Variants in ARHGAP20 observed in about 807,000 individuals in gnomAD.
ARHGAP20 encodes the protein rho GTPase-activating protein 20.
A neutral mutation model predicts 73.7 loss-of-function variants in ARHGAP20; 34 were observed. That is an observed-to-expected ratio of 0.46 (90% CI 0.35 to 0.61). The LOEUF is 0.61. ARHGAP20 is among the 20% of genes least tolerant of loss of function. ARHGAP20 has a pLI of 0.00. For synonymous variants in ARHGAP20, 523 were observed against 518.2 expected (o/e 1.01, Z -0.13); for missense variants, 1,314 against 1,420.9 (o/e 0.92, Z 1.21).
chr11:110,683,338 A>G (rs1369872277), intron 2 of ARHGAP20, among the ~76,000 whole-genome samples: 2 of 152,146 alleles, frequency 1.3e-5, no homozygotes, highest in Non-Finnish European at 2.9e-5. Flanking sequence ...AATAACAAAG[A>G]AACATTTTGT....
At chr11:110,639,537 C>A (rs777165997) in intron 2 of ARHGAP20, among the ~76,000 whole-genome samples, 33 of 151,886 alleles carry the variant, frequency 2.2e-4, no homozygotes, top group Non-Finnish European at 3.5e-4. Context: ...ATTTTCATTA[C>A]CCCTAAAGAA....
rs1591285664 is a variant in ARHGAP20 at position 110,577,472 on chromosome 11, A to G, written c.*1898T>C. 2 of 15,166 alleles carry G rather than the reference A, an allele frequency of 1.3e-4. No homozygotes were observed. Among genetic ancestry groups the G allele is most frequent in the South Asian group, 3.3e-3 (1 of 304 alleles). 0.9% of individuals were successfully genotyped at this position (15,166 alleles called of 1,614,324 possible). A position where few individuals can be genotyped will look rare whatever the true frequency, so the allele number is the denominator to read the frequency against. ...GAATGATTTTTTACCTGCTAACATG[A>G]AAAAAAAAAAAAAGGCAATTTCTTC... is the stretch of plus-strand genomic sequence containing the variant. On this transcript the variant is annotated 3_prime_UTR_variant, in exon 15 of 15. Transcript: ENST00000683387.
In ARHGAP20 at chr11:110,578,066, C is replaced by A. The variant is rs1947335481; in HGVS notation, c.*1304G>T. On this transcript the variant is annotated 3_prime_UTR_variant, in exon 15 of 15. Transcript: ENST00000683387. ...GATGCACATCCATTTTTAGTGCCAT[C>A]CCTGCATACTAGTTGGCAAGGCCTG... 2 of 985,280 alleles carry A rather than the reference C, an allele frequency of 2.0e-6. No individual in the cohort carries two copies. Among genetic ancestry groups the A allele is most frequent in the South Asian group, 9.4e-5 (2 of 21,294 alleles). 61.0% of individuals were successfully genotyped at this position (985,280 alleles called of 1,614,324 possible).
chr11:110,624,409 G>T, intron 3 of ARHGAP20, 98 bp from the exon 4 acceptor site: 1 of 1,034,326 alleles, frequency 9.7e-7, no homozygotes, highest in Non-Finnish European at 1.3e-6. Context: ...AACTAACACA[G>T]GTACAGAAAA....
chr11:110,647,946 A>G (rs1044655891), intron 2 of ARHGAP20, among the ~76,000 whole-genome samples: 3 of 151,838 alleles, frequency 2.0e-5, no homozygotes, highest in East Asian at 3.9e-4. Context: ...ATTGGTGTTG[A>G]AGTTAAGAAT....
At chr11:110,586,091 A>G (rs1947657040) in intron 12 of ARHGAP20, 125 bp downstream of exon 12, 1 of 459,942 alleles carries the variant, frequency 2.2e-6, no homozygotes, top group South Asian at 6.7e-5. Context: ...ATGACAAACT[A>G]GCATACATCT....
chr11:110,642,100 T>G (rs1231314580), intron 2 of ARHGAP20, among the ~76,000 whole-genome samples: 1 of 152,094 alleles, frequency 6.6e-6, no homozygotes, highest in Non-Finnish European at 1.5e-5. Context: ...AATAATTCTA[T>G]GTATAATTTC....
chr11:110,699,867 T>A (rs968629501), intron 1 of ARHGAP20, among the ~76,000 whole-genome samples: 1 of 152,042 alleles, frequency 6.6e-6, no homozygotes, highest in African/African-American at 2.4e-5. Context: ...ATTAAGTGAA[T>A]GAATTAACAT....
At position 110,589,442 on chromosome 11, in the gene ARHGAP20, GGGGTAT is replaced by G. The variant is rs1203219467; in HGVS notation, c.1305+1200_1305+1205del. ...AGCACCTGGGCACTCAGCTGGAGTAGGGGTATGCAAGAATCTTCTTCACCATATTTT... is the reference window on the plus strand; with the variant it reads ...AGCACCTGGGCACTCAGCTGGAGTAGGCAAGAATCTTCTTCACCATATTTT... On this transcript the variant is annotated intron_variant, in intron 11 of 14. Transcript: ENST00000683387. The G allele has an allele frequency of 1.7e-5, 17 of 985,428 alleles. No individual in the cohort carries two copies. The African/African-American group carries it at 3.0e-4, about 17-fold the overall frequency. 61.0% of individuals were successfully genotyped at this position (985,428 alleles called of 1,614,324 possible). A position where few individuals can be genotyped will look rare whatever the true frequency, so the allele number is the denominator to read the frequency against.
At chr11:110,647,327 C>T (rs1033127519) in intron 2 of ARHGAP20, among the ~76,000 whole-genome samples, 2 of 152,098 alleles carry the variant, frequency 1.3e-5, no homozygotes, top group Non-Finnish European at 1.5e-5. Flanking sequence ...GGTTCAAGTA[C>T]TGAGCCCTGG....
In ARHGAP20 at chr11:110,712,382, C is replaced by G. The variant is rs1950686868; in HGVS notation, c.-151G>C. On this transcript the variant is annotated 5_prime_UTR_variant, in exon 1 of 15. Coordinates refer to ENST00000683387, the MANE Select transcript of ARHGAP20 (RefSeq NM_001384657.1). ...GCTCCGGGTGCTCGCCGCGCGCCTCCCGTCGGGGCCATGTACCTCCGCCTG... is the reference window on the plus strand; with the variant it reads ...GCTCCGGGTGCTCGCCGCGCGCCTCGCGTCGGGGCCATGTACCTCCGCCTG... The G allele has an allele frequency of 2.1e-6, 1 of 480,444 alleles. No individual in the cohort carries two copies. Among genetic ancestry groups the G allele is most frequent in the Admixed American group, 4.7e-5 (1 of 21,062 alleles). 29.8% of individuals were successfully genotyped at this position (480,444 alleles called of 1,614,324 possible). A position where few individuals can be genotyped will look rare whatever the true frequency, so the allele number is the denominator to read the frequency against.
chr11:110,577,673 C>T lies in ARHGAP20; in HGVS notation c.*1697G>A, dbSNP rs1947323957. On this transcript the variant is annotated 3_prime_UTR_variant, in exon 15 of 15. Transcript: ENST00000683387. ...GGACTGGTTAGTTATAAAGTGAAAT[C>T]GACTTCACATCTGTGACTCAGATGG... The T allele has an allele frequency of 7.1e-6, 7 of 985,672 alleles. No individual in the cohort carries two copies. In the South Asian group the frequency reaches 2.8e-4, roughly 40 times the overall value. The allele number at this position is 985,672 out of a possible 1,614,324, so 61.1% of individuals were successfully genotyped here. A position where few individuals can be genotyped will look rare whatever the true frequency, so the allele number is the denominator to read the frequency against.
intron 2 of ARHGAP20, among the ~76,000 whole-genome samples, chr11:110,643,063 G>T (rs1949109636): frequency 6.6e-6 from 1 of 151,950 alleles, no homozygotes; most frequent in African/African-American, 2.4e-5. Flanking sequence ...TAATTTGTGT[G>T]GATAGAGCTG....
intron 9 of ARHGAP20, among the ~76,000 whole-genome samples, chr11:110,605,867 C>G (rs533693397): frequency 6.6e-6 from 1 of 152,338 alleles, no homozygotes; most frequent in South Asian, 2.1e-4. Context: ...ACAAAGGTAG[C>G]TATAGAAATT....
intron 9 of ARHGAP20, among the ~76,000 whole-genome samples, chr11:110,595,078 T>G (rs1396048264): frequency 1.3e-5 from 2 of 151,462 alleles, no homozygotes; most frequent in Non-Finnish European, 2.9e-5. Context: ...AAAAGGCCTT[T>G]GACAAAATTC....
chr11:110,698,871 T>C (rs762978298), intron 1 of ARHGAP20, among the ~76,000 whole-genome samples: 9 of 151,844 alleles, frequency 5.9e-5, no homozygotes, highest in Non-Finnish European at 1.0e-4. Flanking sequence ...ACCAACTTTT[T>C]GTTTCACTGA....
intron 2 of ARHGAP20, among the ~76,000 whole-genome samples, chr11:110,682,701 T>G (rs1950059829): frequency 1.3e-5 from 2 of 152,082 alleles, no homozygotes; most frequent in South Asian, 4.1e-4. Flanking sequence ...AAGGCTTGAG[T>G]CTTAAAAATT....
intron 12 of ARHGAP20, among the ~76,000 whole-genome samples, chr11:110,584,922 T>G (rs1017121817): frequency 2.0e-5 from 3 of 146,522 alleles, no homozygotes; most frequent in Admixed American, 7.2e-5. Context: ...TATATGAATA[T>G]ATATGTGAAT....
At chr11:110,603,114 T>G (rs1565432988) in intron 9 of ARHGAP20, among the ~76,000 whole-genome samples, 3 of 152,208 alleles carry the variant, frequency 2.0e-5, no homozygotes, top group Non-Finnish European at 2.9e-5. Flanking sequence ...TGTTACTGGA[T>G]CAGTACTGTC....
Sources: gnomAD v4.1 joint callset for allele counts (sites outside exome capture counted in the v4.1 genomes callset) on GRCh38, gnomAD v4.1.1 for gene constraint, MANE v1.5 for transcripts, NCBI Gene and HGNC (gene_info 2026-07-23, HGNC 2026-07-21) for gene names.